The following DLD variants were observed in gnomAD, a reference collection of about 807,000 sequenced individuals.
The protein encoded by DLD is dihydrolipoamide dehydrogenase.
Under a neutral mutation model 62.2 loss-of-function variants are expected in DLD, and 36 were observed. The observed-to-expected ratio is 0.58, with a 90% CI of 0.44 to 0.76. DLD has a LOEUF of 0.76. Ranked by LOEUF, DLD falls within the 30% of genes least tolerant of loss-of-function variation. DLD has a pLI of 0.00. For missense variants in DLD, 541 were observed against 608.6 expected (o/e 0.89, Z 1.17); for synonymous variants, 204 against 199.6 (o/e 1.02, Z -0.19).
In DLD at chr7:107,893,190, C is replaced by T; in HGVS notation, c.40-10C>T. The T allele has an allele frequency of 6.2e-7, 1 of 1,611,424 alleles. No individual in the cohort carries two copies. On this transcript the variant is annotated splice_polypyrimidine_tract_variant and intron_variant, in intron 1 of 13. Transcript: ENST00000205402. ...ATATCTTACATAATAGGGACATTTT[C>T]TTTTTCTAGAGAGGCCATTTCAATC...
chr7:107,891,213 G>A lies in DLD; in HGVS notation c.-38G>A, dbSNP rs781555650. 15 of 1,613,606 alleles carry A rather than the reference G, an allele frequency of 9.3e-6. No individual in the cohort carries two copies. Among genetic ancestry groups the A allele is most frequent in the Non-Finnish European group, 1.3e-5 (15 of 1,179,568 alleles). On this transcript the variant is annotated 5_prime_UTR_variant, in exon 1 of 14. Coordinates refer to ENST00000205402, the MANE Select transcript of DLD (RefSeq NM_000108.5). ...CGGAGCGGCGGAGGCGCCCAGCGGAGGTGAAAGTATTGGCGGAAAGGAAAA... is the reference window on the plus strand; with the variant it reads ...CGGAGCGGCGGAGGCGCCCAGCGGAAGTGAAAGTATTGGCGGAAAGGAAAA...
At chr7:107,895,594 T>G (rs975821321) in intron 2 of DLD, among the ~76,000 whole-genome samples, 3 of 152,194 alleles carry the variant, frequency 2.0e-5, no homozygotes, top group Non-Finnish European at 4.4e-5. Context: ...ACTACTGGAG[T>G]ACCGCAGTGA....
rs752723529 is a variant in DLD, at chr7:107,902,367, T to C, written c.241T>C (p.Leu81=). 1 of 1,613,954 alleles carries C rather than the reference T, an allele frequency of 6.2e-7. No homozygotes were observed. The highest frequency in any genetic ancestry group is 2.2e-5 in the East Asian group (1 of 44,802). Reference sequence around the variant, plus strand: ...AAATGAAACACTTGGTGGAACATGCTTGAATGTTGGTTGTATTCCTTCTAA... The same window carrying C: ...AAATGAAACACTTGGTGGAACATGCCTGAATGTTGGTTGTATTCCTTCTAA... ...EKNETLGGTC[L]NVGCIPSKAL... Residue 81 remains leucine, a synonymous_variant, in exon 4 of 14, where the codon TTG becomes CTG. Transcript: ENST00000205402.
In DLD at chr7:107,891,202, CGCCCAGCGGAGGT is replaced by C. The variant is rs759116998; in HGVS notation, c.-47_-35del. 5 of 1,611,048 alleles carry C rather than the reference CGCCCAGCGGAGGT, an allele frequency of 3.1e-6. No individual in the cohort carries two copies. The highest frequency in any genetic ancestry group is 4.2e-6 in the Non-Finnish European group (5 of 1,177,524). On this transcript the variant is annotated 5_prime_UTR_variant, in exon 1 of 14. Transcript: ENST00000205402. ...GGAGACCTTGGCGGAGCGGCGGAGG[CGCCCAGCGGAGGT>C]GAAAGTATTGGCGGAAAGGAAAATA...
intron 2 of DLD, among the ~76,000 whole-genome samples, chr7:107,896,100 G>A (rs3801935): frequency 0.36 from 55,465 of 152,094 alleles, 10,394 homozygotes; most frequent in Non-Finnish European, 0.41. Context: ...GGTAGGAGAT[G>A]AGGCTGGAGA....
intron 12 of DLD, among the ~76,000 whole-genome samples, chr7:107,918,496 C>A (rs2032325134): frequency 6.6e-6 from 1 of 152,098 alleles, no homozygotes; most frequent in African/African-American, 2.4e-5. Flanking sequence ...CTTAAGATAC[C>A]CTCTGCTTAG....
chr7:107,893,342 T>A, intron 2 of DLD, 64 bp downstream of exon 2: 1 of 1,210,144 alleles, frequency 8.3e-7, no homozygotes, highest in Non-Finnish European at 1.2e-6. Flanking sequence ...TATTTCAATG[T>A]AAAAGCAAGT....
chr7:107,915,754 C>G (rs556686415), intron 9 of DLD, 58 bp downstream of exon 9: 6 of 1,497,748 alleles, frequency 4.0e-6, no homozygotes, highest in Middle Eastern at 3.8e-4. Flanking sequence ...GCAAAACACT[C>G]AAGTTTCAAA....
At chr7:107,913,545 T>G (rs1489279390) in intron 8 of DLD, among the ~76,000 whole-genome samples, 1 of 151,982 alleles carries the variant, frequency 6.6e-6, no homozygotes, top group East Asian at 1.9e-4. Flanking sequence ...CCACTGTTGG[T>G]GTATATAAAT....
intron 2 of DLD, among the ~76,000 whole-genome samples, chr7:107,895,962 T>C (rs1057071691): frequency 2.6e-5 from 4 of 152,182 alleles, no homozygotes; most frequent in African/African-American, 9.7e-5. Context: ...CTGTTAGTGT[T>C]TATTTCTAGG....
intron 2 of DLD, among the ~76,000 whole-genome samples, chr7:107,894,791 C>G (rs2237682): frequency 0.32 from 48,124 of 152,058 alleles, 8,933 homozygotes; most frequent in Non-Finnish European, 0.41. Flanking sequence ...AATCATAAAT[C>G]ACTTAGTACC....
At chr7:107,917,590 A>G in intron 11 of DLD, 128 bp downstream of exon 11, 1 of 1,018,588 alleles carries the variant, frequency 9.8e-7, no homozygotes, top group Non-Finnish European at 1.5e-6. Flanking sequence ...TAGCTTATAT[A>G]TTTTTCCCTT....
intron 7 of DLD, 125 bp downstream of exon 7, chr7:107,905,629 C>G: frequency 9.2e-7 from 1 of 1,086,850 alleles, no homozygotes; most frequent in East Asian, 2.4e-5. Context: ...GATGGTCATT[C>G]AGCTTTGGGA....
At chr7:107,891,340 C>T (rs933368318) in intron 1 of DLD, 51 bp downstream of exon 1, 1 of 1,605,530 alleles carries the variant, frequency 6.2e-7, no homozygotes. Context: ...CGGAAGGTCC[C>T]GCTCAGTGGG....
intron 8 of DLD, among the ~76,000 whole-genome samples, chr7:107,908,622 A>G (rs2032065854): frequency 6.6e-6 from 1 of 151,438 alleles, no homozygotes; most frequent in South Asian, 2.1e-4. Flanking sequence ...GAGCTGGGTC[A>G]TGCCAGTGCA....
At chr7:107,898,889 TTATG>T (rs1468782344) in intron 2 of DLD, among the ~76,000 whole-genome samples, 3 of 152,094 alleles carry the variant, frequency 2.0e-5, no homozygotes, top group African/African-American at 7.2e-5. Context: ...TTTTTTAACT[TTATG>T]TATGGGACTC....
At chr7:107,891,386 GGCGGGC>G in intron 1 of DLD, 97 bp downstream of exon 1, 1 of 1,321,210 alleles carries the variant, frequency 7.6e-7, no homozygotes, top group South Asian at 1.2e-5. Context: ...GGCTGGCGGA[GGCGGGC>G]GCCTGGGCCG....
chr7:107,902,697 A>G (rs951532728), intron 4 of DLD, among the ~76,000 whole-genome samples: 3 of 152,242 alleles, frequency 2.0e-5, no homozygotes, highest in Admixed American at 2.0e-4. Flanking sequence ...CCAGTGTAAC[A>G]GATAATAGAT....
At chr7:107,904,671 C>G in intron 5 of DLD, 1 of 511,358 alleles carries the variant, frequency 2.0e-6, no homozygotes, top group South Asian at 1.6e-5. Context: ...AGACTTATAA[C>G]CATCGTAAAG....
Sources: allele counts gnomAD v4.1 joint callset (sites outside exome capture counted in the v4.1 genomes callset), GRCh38; gene constraint gnomAD v4.1.1; transcripts MANE v1.5; gene names NCBI Gene and HGNC (gene_info 2026-07-23, HGNC 2026-07-21).